PDK1: variants seen among roughly 807,000 people sequenced by gnomAD.
PDK1 encodes pyruvate dehydrogenase kinase 1.
In PDK1, 39 loss-of-function variants were observed where a neutral mutation model predicts 54.2. That is an observed-to-expected ratio of 0.72 (90% confidence interval 0.56 to 0.94). PDK1 has a LOEUF of 0.94. PDK1 is among the 40% of genes least tolerant of loss of function. The probability of loss-of-function intolerance (pLI) is 0.00; values close to 1 mark genes in which losing one functional copy is unlikely to be tolerated. For missense variants in PDK1, 552 were observed against 566.0 expected (o/e 0.98, Z 0.25); for synonymous variants, 221 against 207.1 (o/e 1.07, Z -0.58).
the PDK1 span, among the ~76,000 whole-genome samples, chr2:172,667,670 C>T: frequency 4.5e-4 from 68 of 152,188 alleles, 1 homozygote; most frequent in Non-Finnish European, 8.5e-4. Flanking sequence ...ATAAAACATT[C>T]TTGTCAGATA....
At chr2:172,629,754 C>CA in the PDK1 span, among the ~76,000 whole-genome samples, 2 of 152,188 alleles carry the variant, frequency 1.3e-5, no homozygotes, top group Admixed American at 6.5e-5. Context: ...CATCAGGAGT[C>CA]ACAGGCAACC....
the PDK1 span, among the ~76,000 whole-genome samples, chr2:172,654,850 G>A: frequency 6.6e-5 from 10 of 152,094 alleles, no homozygotes; most frequent in Non-Finnish European, 1.3e-4. Flanking sequence ...ACCTGGCTAG[G>A]GATAAGCTGT....
the PDK1 span, among the ~76,000 whole-genome samples, chr2:172,622,949 TTAGATAGA>T: frequency 6.0e-5 from 9 of 149,562 alleles, no homozygotes; most frequent in Admixed American, 3.3e-4. Flanking sequence ...TTATAAATAT[TTAGATAGA>T]TAGATAGATC....
Position 172,562,263 on chromosome 2 carries a change from A to C in PDK1, c.382A>C (p.Ser128Arg). 6.2e-7 allele frequency: 1 copy of C among 1,602,482 alleles called. No homozygotes were observed. Among genetic ancestry groups the C allele is most frequent in the Admixed American group, 1.7e-5 (1 of 59,990 alleles). The change falls in exon 3 of 11, where the codon AGT (serine) becomes CGT (arginine). Residue 128 changes from serine to arginine, a missense_variant. Transcript: ENST00000282077. ...LQELLDFKDK[S>R]AEDAKAIYDF... The stretch of plus-strand genomic sequence containing the variant: ...GGAGCTTCTTGATTTTAAGGACAAA[A>C]GTGCTGAGGATGCTAAAGCTATTTA...
chr2:172,615,124 A>C, the PDK1 span, among the ~76,000 whole-genome samples: 4 of 152,196 alleles, frequency 2.6e-5, no homozygotes, highest in African/African-American at 9.6e-5. Context: ...CCCTGCCGCA[A>C]GGGGTTGAGC....
the PDK1 span, among the ~76,000 whole-genome samples, chr2:172,621,625 TATATC>T: frequency 6.8e-6 from 1 of 147,332 alleles, no homozygotes; most frequent in Non-Finnish European, 1.5e-5. Context: ...TATATGTTTA[TATATC>T]ATATGTTTAT....
chr2:172,674,584 G>C, the PDK1 span: 2 of 152,438 alleles, frequency 1.3e-5, no homozygotes, highest in East Asian at 3.9e-4. Flanking sequence ...TCCTCAGGAC[G>C]CTCCCCTCTG....
the PDK1 span, among the ~76,000 whole-genome samples, chr2:172,719,916 G>A: frequency 1.3e-5 from 2 of 152,242 alleles, no homozygotes; most frequent in East Asian, 1.9e-4. Context: ...CTATCTTATT[G>A]TCTTATTATT....
chr2:172,575,462 G>T (rs1262953573), intron 8 of PDK1, among the ~76,000 whole-genome samples: 1 of 152,160 alleles, frequency 6.6e-6, no homozygotes, highest in Non-Finnish European at 1.5e-5. Flanking sequence ...TTTGTGGAAA[G>T]ACTTTTGATT....
the PDK1 span, among the ~76,000 whole-genome samples, chr2:172,621,450 G>T: frequency 6.6e-6 from 1 of 151,608 alleles, no homozygotes; most frequent in Non-Finnish European, 1.5e-5. Flanking sequence ...ACTTGGACTG[G>T]CTTTCCTTGC....
the PDK1 span, among the ~76,000 whole-genome samples, chr2:172,707,494 G>T: frequency 6.6e-6 from 1 of 152,120 alleles, no homozygotes; most frequent in African/African-American, 2.4e-5. Flanking sequence ...GGCATTTATT[G>T]TCTGCACGGG....
chr2:172,625,656 G>A, the PDK1 span, among the ~76,000 whole-genome samples: 1 of 151,842 alleles, frequency 6.6e-6, no homozygotes. Flanking sequence ...TCCTAATCTG[G>A]CGCCTCTGCT....
chr2:172,570,390 A>G (rs1689179677), intron 7 of PDK1, among the ~76,000 whole-genome samples: 1 of 152,230 alleles, frequency 6.6e-6, no homozygotes, highest in Admixed American at 6.5e-5. Context: ...TATAGCTGAA[A>G]CTACATTTTC....
chr2:172,614,198 C>T, the PDK1 span, among the ~76,000 whole-genome samples: 1 of 149,164 alleles, frequency 6.7e-6, no homozygotes, highest in Admixed American at 6.7e-5. Flanking sequence ...CCCATCCCTG[C>T]AGGTTCAGGG....
chr2:172,569,628 C>T (rs956675232), intron 7 of PDK1, among the ~76,000 whole-genome samples: 7 of 152,024 alleles, frequency 4.6e-5, no homozygotes, highest in African/African-American at 7.2e-5. Context: ...AAAAACTGAC[C>T]GAATATCTTA....
chr2:172,570,782 T>C lies in PDK1; in HGVS notation c.903T>C (p.Ile301=). The change falls in exon 8 of 11, where the codon ATT becomes ATC. Residue 301 remains isoleucine (I), a synonymous_variant. Transcript: ENST00000282077. ...CCAACAGAGGTGTTTACCCCCCTATTCAAGTTCATGTCACGCTGGGTAATG... is the reference window on the plus strand; with the variant it reads ...CCAACAGAGGTGTTTACCCCCCTATCCAAGTTCATGTCACGCTGGGTAATG... ...HHANRGVYPP[I]QVHVTLGNED... is the part of the protein sequence containing the mutation. 1.9e-6 allele frequency: 3 copies of C among 1,612,200 alleles called. No individual in the cohort carries two copies. Among genetic ancestry groups the C allele is most frequent in the Non-Finnish European group, 2.5e-6 (3 of 1,178,478 alleles).
At chr2:172,617,583 C>T in the PDK1 span, among the ~76,000 whole-genome samples, 6 of 151,962 alleles carry the variant, frequency 3.9e-5, no homozygotes, top group South Asian at 2.1e-4. Context: ...GGCAGAAGAC[C>T]GAGACAGCAA....
At chr2:172,630,517 C>T in the PDK1 span, among the ~76,000 whole-genome samples, 5 of 152,362 alleles carry the variant, frequency 3.3e-5, no homozygotes, top group East Asian at 3.8e-4. Context: ...ACAGAAAGCT[C>T]TATCTTCTCC....
At chr2:172,647,164 C>T in the PDK1 span, among the ~76,000 whole-genome samples, 2,688 of 152,180 alleles carry the variant, frequency 0.018, 74 homozygotes, top group African/African-American at 0.062. Context: ...CAAACATGGA[C>T]GAGCTTCAGA....
Sources: gnomAD v4.1 joint callset for allele counts (sites outside exome capture counted in the v4.1 genomes callset) on GRCh38, gnomAD v4.1.1 for gene constraint, MANE v1.5 for transcripts, NCBI Gene and HGNC (gene_info 2026-07-23, HGNC 2026-07-21) for gene names.